The following TSHZ2 variants were observed in gnomAD, a reference collection of about 807,000 sequenced individuals.
The protein encoded by TSHZ2 is teashirt homolog 2.
TSHZ2 carries 21 observed loss-of-function variants against 74.4 expected under a neutral mutation model. The observed-to-expected ratio is 0.28, with a 90% CI of 0.20 to 0.41. The LOEUF is 0.41. Ranked by LOEUF, TSHZ2 falls within the 10% of genes least tolerant of loss-of-function variation. The probability of loss-of-function intolerance (pLI) is 1.00; values close to 1 mark genes in which losing one functional copy is unlikely to be tolerated. For missense variants in TSHZ2, 1,244 were observed against 1,293.5 expected (o/e 0.96, Z 0.59); for synonymous variants, 540 against 515.3 (o/e 1.05, Z -0.65).
chr20:53,393,678 A>G (rs1982343071), intron 2 of TSHZ2, among the ~76,000 whole-genome samples: 14 of 151,670 alleles, frequency 9.2e-5, no homozygotes, highest in Admixed American at 9.2e-4. Context: ...ACACACACAC[A>G]CACACACACA....
In TSHZ2 at chr20:53,115,633, GAC is replaced by G. The variant is rs533170430; in HGVS notation, c.41-137862_41-137861del. On this transcript the variant is annotated intron_variant, in intron 1 of 2. Coordinates refer to ENST00000371497, the MANE Select transcript of TSHZ2 (RefSeq NM_173485.6). ...GCATGACAAAAATAAGTAAATAAAT[GAC>G]ACAGAGCAAAGGAATTGAGAATGGT... is the stretch of plus-strand genomic sequence containing the variant. Among the ~76,000 whole-genome samples, 13 of 152,206 alleles carry G rather than the reference GAC, an allele frequency of 8.5e-5. No individual in the cohort carries two copies. In the South Asian group the frequency reaches 2.3e-3, roughly 27 times the overall value.
chr20:53,321,574 C>A (rs1230626547), intron 2 of TSHZ2, among the ~76,000 whole-genome samples: 3 of 149,730 alleles, frequency 2.0e-5, no homozygotes. Flanking sequence ...ATCCCAGCTA[C>A]TTGGGAGGCT....
intron 1 of TSHZ2, among the ~76,000 whole-genome samples, chr20:53,001,224 G>A (rs931315056): frequency 6.8e-6 from 1 of 147,738 alleles, no homozygotes; most frequent in Admixed American, 6.7e-5. Context: ...GTGTGTGTGT[G>A]TGTGTGTGTG....
chr20:53,424,444 T>G (rs1439098311), intron 2 of TSHZ2, among the ~76,000 whole-genome samples: 1 of 152,252 alleles, frequency 6.6e-6, no homozygotes, highest in African/African-American at 2.4e-5. Flanking sequence ...CATGTGTTTT[T>G]AAAAAGTAGA....
At chr20:53,389,599 T>C (rs901849651) in intron 2 of TSHZ2, among the ~76,000 whole-genome samples, 1 of 152,174 alleles carries the variant, frequency 6.6e-6, no homozygotes, top group Non-Finnish European at 1.5e-5. Flanking sequence ...AGAAAAGTAG[T>C]GGCAGAGGTG....
intron 2 of TSHZ2, among the ~76,000 whole-genome samples, chr20:53,462,390 C>G (rs1362552448): frequency 6.6e-6 from 1 of 152,212 alleles, no homozygotes; most frequent in African/African-American, 2.4e-5. Flanking sequence ...TTCAGAGGTG[C>G]TGGGGCTTAG....
intron 1 of TSHZ2, among the ~76,000 whole-genome samples, chr20:53,037,899 G>A (rs1341796236): frequency 6.6e-6 from 1 of 152,040 alleles, no homozygotes; most frequent in Non-Finnish European, 1.5e-5. Flanking sequence ...GTGCAGAGCA[G>A]GGCGAGTCTG....
intron 2 of TSHZ2, among the ~76,000 whole-genome samples, chr20:53,295,900 T>G (rs1057136129): frequency 5.9e-5 from 9 of 152,092 alleles, no homozygotes; most frequent in African/African-American, 2.2e-4. Context: ...TAGTTCTGTG[T>G]TTTTTGTTTT....
chr20:53,455,643 A>G (rs1985036843), intron 2 of TSHZ2, among the ~76,000 whole-genome samples: 1 of 152,066 alleles, frequency 6.6e-6, no homozygotes, highest in African/African-American at 2.4e-5. Flanking sequence ...TACATGTGCC[A>G]TGCTGGTGTG....
At chr20:53,057,709 G>A (rs1984687591) in intron 1 of TSHZ2, among the ~76,000 whole-genome samples, 1 of 152,126 alleles carries the variant, frequency 6.6e-6, no homozygotes, top group African/African-American at 2.4e-5. Flanking sequence ...TACTGCTTTA[G>A]CAGCCCTGGA....
chr20:53,367,437 T>G (rs1981305098), intron 2 of TSHZ2, among the ~76,000 whole-genome samples: 1 of 151,940 alleles, frequency 6.6e-6, no homozygotes, highest in Non-Finnish European at 1.5e-5. Context: ...ATTTTTAAAT[T>G]TTTTAAAAAA....
chr20:53,162,520 G>GGGATCA (rs1206747968), intron 1 of TSHZ2, among the ~76,000 whole-genome samples: 1 of 152,206 alleles, frequency 6.6e-6, no homozygotes, highest in African/African-American at 2.4e-5. Context: ...ATCGGTCGAT[G>GGGATCA]GGATCAGGTT....
At chr20:53,446,831 T>C (rs2145771561) in intron 2 of TSHZ2, among the ~76,000 whole-genome samples, 1 of 152,268 alleles carries the variant, frequency 6.6e-6, no homozygotes, top group African/African-American at 2.4e-5. Flanking sequence ...TCCCAGCTCC[T>C]AACATGGGAG....
intron 2 of TSHZ2, chr20:53,399,605 C>G (rs1005156939): frequency 4.6e-5 from 7 of 152,122 alleles, no homozygotes; most frequent in Non-Finnish European, 7.3e-5. Flanking sequence ...TGGCAGGAGA[C>G]GCAGAGGTAC....
intron 1 of TSHZ2, among the ~76,000 whole-genome samples, chr20:53,024,659 C>A (rs1326322012): frequency 2.6e-5 from 4 of 152,048 alleles, no homozygotes; most frequent in Non-Finnish European, 5.9e-5. Context: ...CCCCCACCCA[C>A]CAACAGGCCC....
intron 1 of TSHZ2, among the ~76,000 whole-genome samples, chr20:53,088,448 T>C (rs1330055262): frequency 1.3e-5 from 2 of 152,212 alleles, no homozygotes; most frequent in Admixed American, 6.5e-5. Flanking sequence ...AGCAACAAAT[T>C]GGCATTAACT....
chr20:53,408,247 G>T (rs1982918497), intron 2 of TSHZ2, among the ~76,000 whole-genome samples: 1 of 152,148 alleles, frequency 6.6e-6, no homozygotes, highest in South Asian at 2.1e-4. Flanking sequence ...TTGAGGAAGG[G>T]TCCTCCTTCT....
chr20:52,993,055 T>C (rs185554824), intron 1 of TSHZ2, among the ~76,000 whole-genome samples: 3 of 152,372 alleles, frequency 2.0e-5, no homozygotes, highest in Admixed American at 2.0e-4. Context: ...TCTTCACTGC[T>C]TTGTGGAAAG....
At chr20:53,409,450 T>G (rs1422225017) in intron 2 of TSHZ2, among the ~76,000 whole-genome samples, 1 of 149,692 alleles carries the variant, frequency 6.7e-6, no homozygotes, top group African/African-American at 2.5e-5. Flanking sequence ...ATTTGAGGCT[T>G]TATTGCTGTA....
Sources: allele counts gnomAD v4.1 joint callset (sites outside exome capture counted in the v4.1 genomes callset), GRCh38; gene constraint gnomAD v4.1.1; transcripts MANE v1.5; gene names NCBI Gene and HGNC (gene_info 2026-07-23, HGNC 2026-07-21).